BIRC6: variants seen among roughly 807,000 people sequenced by gnomAD.
BIRC6 encodes dual E2 ubiquitin-conjugating enzyme/E3 ubiquitin-protein ligase BIRC6.
A neutral mutation model predicts 503.3 loss-of-function variants in BIRC6; 98 were observed. The observed-to-expected ratio is 0.19, with a 90% CI of 0.17 to 0.23. BIRC6 has a LOEUF of 0.23. Ranked by LOEUF, BIRC6 falls within the 10% of genes least tolerant of loss-of-function variation. The probability of loss-of-function intolerance (pLI) is 1.00; values close to 1 mark genes in which losing one functional copy is unlikely to be tolerated. For missense variants in BIRC6, 5,360 were observed against 5,806.0 expected (o/e 0.92, Z 2.50); for synonymous variants, 2,240 against 2,078.7 (o/e 1.08, Z -2.11).
rs1487048696 is a variant in BIRC6 at position 32,467,729 on chromosome 2, G to T, written c.5561G>T (p.Arg1854Ile). ...GACTTAATACCACCTCCCGTGTGCA[G>T]ATTCATGAAGGTAAAGAACTTTAAG... is the stretch of plus-strand genomic sequence containing the variant. Reference protein sequence around the residue: ...LHDLIPPPVCRFMKITVIGRY... With the variant: ...LHDLIPPPVCIFMKITVIGRY... Residue 1854 changes from arginine (R) to isoleucine (I), a missense_variant, in exon 27 of 74, where the codon AGA (arginine) becomes ATA (isoleucine). Physicochemically the swap from Arg to Ile is moderately conservative, Grantham distance 97 (BLOSUM62 -3). Coordinates refer to ENST00000421745, the MANE Select transcript of BIRC6 (RefSeq NM_016252.4). 4 of 1,612,268 alleles carry T rather than the reference G, an allele frequency of 2.5e-6. No individual in the cohort carries two copies. The highest frequency in any genetic ancestry group is 3.4e-6 in the Non-Finnish European group (4 of 1,179,078).
intron 14 of BIRC6, 23 bp from the exon 15 acceptor site, chr2:32,436,030 A>G (rs62136293): frequency 0.038 from 50,376 of 1,319,472 alleles, 1,134 homozygotes; most frequent in Non-Finnish European, 0.042. Flanking sequence ...ATTTAAAAGA[A>G]AAATATGTAT....
intron 41 of BIRC6, among the ~76,000 whole-genome samples, chr2:32,488,070 G>A (rs1558869624): frequency 6.6e-6 from 1 of 151,940 alleles, no homozygotes; most frequent in Admixed American, 6.6e-5. Context: ...ACAGGGCATG[G>A]TGGCTTGAGT....
chr2:32,448,687 G>GGAGAGC (rs2046361098), intron 21 of BIRC6, 108 bp from the exon 22 acceptor site: 1 of 905,630 alleles, frequency 1.1e-6, no homozygotes, highest in Non-Finnish European at 1.7e-6. Flanking sequence ...GAGGGGAGAG[G>GGAGAGC]GAGAGCCCTC....
chr2:32,503,022 C>A lies in BIRC6; in HGVS notation c.9305-20C>A, dbSNP rs1173890147. 1.0e-5 allele frequency: 16 copies of A among 1,552,354 alleles called. No homozygotes were observed. The highest frequency in any genetic ancestry group is 2.0e-5 in the Admixed American group (1 of 49,790). Reference sequence around the variant, plus strand: ...ATCTGTCCTGAGATCGATTTCATTTCATATTCTTTATAAATTTAGGTGGTG... The same window carrying A: ...ATCTGTCCTGAGATCGATTTCATTTAATATTCTTTATAAATTTAGGTGGTG... On this transcript the variant is annotated intron_variant, in intron 48 of 73. Coordinates refer to ENST00000421745, the MANE Select transcript of BIRC6 (RefSeq NM_016252.4).
intron 30 of BIRC6, 48 bp downstream of exon 30, chr2:32,469,662 T>C (rs2048917744): frequency 1.4e-6 from 2 of 1,459,808 alleles, no homozygotes; most frequent in East Asian, 4.5e-5. Context: ...ATGTGTACTT[T>C]TCACAGTTAC....
At chr2:32,552,170 A>T (rs1325864350) in intron 65 of BIRC6, among the ~76,000 whole-genome samples, 3 of 152,136 alleles carry the variant, frequency 2.0e-5, no homozygotes, top group African/African-American at 7.2e-5. Context: ...GTGGTTTCTT[A>T]TTACTGTCCC....
chr2:32,418,682 G>T (rs1159969241), intron 10 of BIRC6, among the ~76,000 whole-genome samples: 2 of 152,216 alleles, frequency 1.3e-5, no homozygotes, highest in Admixed American at 6.5e-5. Flanking sequence ...AATGCAATAA[G>T]GGTTTTTAAT....
rs142045498 is a variant in BIRC6 at position 32,464,810 on chromosome 2, A to G, written c.5243A>G (p.Asn1748Ser). Residue 1748 changes from asparagine (N) to serine (S), a missense_variant, in exon 25 of 74, where the codon AAC becomes AGC. Transcript: ENST00000421745. ...CTTGCTGCACATAACAAAAATTCCA[A>G]CAAGTCCAGAATGGTAAATTATGTT... ...VNLAAHNKNS[N>S]KSRMNPLGSG... is the part of the protein sequence containing the mutation. The G allele has an allele frequency of 2.3e-5, 37 of 1,609,324 alleles. No homozygotes were observed. The African/African-American group carries it at 2.4e-4, about 10-fold the overall frequency.
At chr2:32,430,771 C>A (rs2147962040) in intron 11 of BIRC6, 94 bp from the exon 12 acceptor site, 2 of 938,406 alleles carry the variant, frequency 2.1e-6, no homozygotes, top group Non-Finnish European at 3.2e-6. Context: ...AATAGAAAAC[C>A]TACCCATGAA....
intron 66 of BIRC6, among the ~76,000 whole-genome samples, chr2:32,579,490 C>G (rs957483486): frequency 2.0e-5 from 3 of 152,070 alleles, no homozygotes; most frequent in African/African-American, 7.2e-5. Context: ...GAGTTCAAGA[C>G]CAGCCTTGGC....
At position 32,575,338 on chromosome 2, in the gene BIRC6, T is replaced by G; in HGVS notation, c.13327T>G (p.Cys4443Gly). 6.2e-7 allele frequency: 1 copy of G among 1,614,012 alleles called. No individual in the cohort carries two copies. Among genetic ancestry groups the G allele is most frequent in the Non-Finnish European group, 8.5e-7 (1 of 1,179,864 alleles). ...VGTLLAKMKT[C>G]VDTYTNRLRS... ...TACATTGTTAGCCAAAATGAAGACC[T>G]GTGTTGATACCTATACCAACCGTTT... The change falls in exon 66 of 74, where the codon TGT becomes GGT. Residue 4443 changes from cysteine to glycine, a missense_variant. Coordinates refer to ENST00000421745, the MANE Select transcript of BIRC6 (RefSeq NM_016252.4).
Position 32,357,426 on chromosome 2 carries a change from G to A in BIRC6, c.265G>A (p.Gly89Arg). Residue 89 changes from glycine to arginine, a missense_variant, in exon 1 of 74, where the codon GGG becomes AGG. Coordinates refer to ENST00000421745, the MANE Select transcript of BIRC6 (RefSeq NM_016252.4). This position sits in a 1 kb window ranked among gnomAD's most constrained non-coding sequence, Gnocchi z 4.9. ...CGCCATCCTGGCCGTCACTAGCCGC[G>A]GGACCATCAAAGTCATCGACGGCAC... ...LNAILAVTSRGTIKVIDGTSG... is the reference protein window; with the variant it reads ...LNAILAVTSRRTIKVIDGTSG... 1 of 1,549,866 alleles carries A rather than the reference G, an allele frequency of 6.5e-7. No homozygotes were observed. Among genetic ancestry groups the A allele is most frequent in the Non-Finnish European group, 8.7e-7 (1 of 1,146,846 alleles).
chr2:32,519,814 G>A (rs2055450199), intron 57 of BIRC6, among the ~76,000 whole-genome samples: 1 of 152,180 alleles, frequency 6.6e-6, no homozygotes, highest in African/African-American at 2.4e-5. Context: ...TACCGCGCCT[G>A]GCCCATATCA....
chr2:32,515,859 G>C, intron 55 of BIRC6, 89 bp downstream of exon 55: 1 of 1,223,216 alleles, frequency 8.2e-7, no homozygotes. Context: ...AATTTAGTGA[G>C]GGTTGAGTGC....
Position 32,468,574 on chromosome 2 carries a change from C to G in BIRC6, c.5918C>G (p.Ala1973Gly). 1 of 1,613,976 alleles carries G rather than the reference C, an allele frequency of 6.2e-7. No homozygotes were observed. Among genetic ancestry groups the G allele is most frequent in the Non-Finnish European group, 8.5e-7 (1 of 1,179,878 alleles). ...AVEEDSRVFS[A>G]YQDCIQLQLQ... ...GAGGAAGACAGTAGGGTTTTTTCTGCTTATCAAGATTGTATTCAGCTACAG... is the reference window on the plus strand; with the variant it reads ...GAGGAAGACAGTAGGGTTTTTTCTGGTTATCAAGATTGTATTCAGCTACAG... Residue 1973 changes from alanine to glycine, a missense_variant, in exon 29 of 74, where the codon GCT (alanine) becomes GGT (glycine). Physicochemically the swap from Ala to Gly is moderately conservative, Grantham distance 60. Transcript: ENST00000421745.
In BIRC6 at chr2:32,415,312, G is replaced by C; in HGVS notation, c.2021G>C (p.Ser674Thr). 6.2e-7 allele frequency: 1 copy of C among 1,614,056 alleles called. No individual in the cohort carries two copies. The highest frequency in any genetic ancestry group is 8.5e-7 in the Non-Finnish European group (1 of 1,179,892). Residue 674 changes from serine (S) to threonine (T), a missense_variant, in exon 10 of 74, where the codon AGT (serine) becomes ACT (threonine). By Grantham distance (58) the Ser-to-Thr change is moderately conservative (BLOSUM62 1). Around this residue, in one of 16 missense-constraint regions of BIRC6, gnomAD observed 700 missense variants for 739.3 expected, o/e 0.95. Coordinates refer to ENST00000421745, the MANE Select transcript of BIRC6 (RefSeq NM_016252.4). ...VPQIIEMELDSQEQLLLQDPP... is the reference protein window; with the variant it reads ...VPQIIEMELDTQEQLLLQDPP... Reference sequence around the variant, plus strand: ...CAGATTATTGAAATGGAGCTGGATAGTCAGGAGCAGTTGTTATTGCAGGAT... The same window carrying C: ...CAGATTATTGAAATGGAGCTGGATACTCAGGAGCAGTTGTTATTGCAGGAT...
intron 9 of BIRC6, among the ~76,000 whole-genome samples, chr2:32,414,064 G>T (rs1196111293): frequency 1.3e-5 from 2 of 152,096 alleles, no homozygotes; most frequent in African/African-American, 4.8e-5. Context: ...GGCCGAGGCG[G>T]GTGGATTACC....
rs542805655 is a variant in BIRC6 at position 32,515,467 on chromosome 2, A to C, written c.11046A>C (p.Leu3682=). The change falls in exon 55 of 74, where the codon CTA becomes CTC. Residue 3682 remains leucine, a synonymous_variant. Transcript: ENST00000421745. ...ATAAGATGCCTATCACAGCCGACCT[A>C]GTTGCTCCTATTCTTAGGTTTTTGA... The part of the protein sequence containing the change: ...QCNKMPITAD[L]VAPILRFLTE... 6.2e-7 allele frequency: 1 copy of C among 1,613,612 alleles called. No individual in the cohort carries two copies. Among genetic ancestry groups the C allele is most frequent in the Non-Finnish European group, 8.5e-7 (1 of 1,179,874 alleles).
At chr2:32,405,866 T>G (rs546714235) in intron 8 of BIRC6, among the ~76,000 whole-genome samples, 1 of 152,344 alleles carries the variant, frequency 6.6e-6, no homozygotes, top group South Asian at 2.1e-4. Flanking sequence ...TGCTGTCTTT[T>G]ATATTTTTGT....
Sources: allele counts gnomAD v4.1 joint callset (sites outside exome capture counted in the v4.1 genomes callset), GRCh38; gene constraint gnomAD v4.1.1; regional missense constraint gnomAD v4.1.1; non-coding constraint Gnocchi (gnomAD v3.1); transcripts MANE v1.5; gene names NCBI Gene and HGNC (gene_info 2026-07-23, HGNC 2026-07-21).